Variants in GK observed in about 807,000 individuals in gnomAD.
The protein encoded by GK is ATP:glycerol 3-phosphotransferase.
In GK, 9 loss-of-function variants were observed where a neutral mutation model predicts 56.4. The ratio of observed to expected loss-of-function variants is 0.16; its 90% CI spans 0.10 to 0.28. GK has a LOEUF of 0.28. GK is among the 10% of genes least tolerant of loss of function. The pLI is 1.00. For synonymous variants in GK, 104 were observed against 144.1 expected (o/e 0.72, Z 1.99); for missense variants, 161 against 431.4 (o/e 0.37, Z 5.55).
chrX:30,676,051 G>A (rs746876992), intron 3 of GK, among the ~76,000 whole-genome samples: 1 of 111,788 alleles, frequency 8.9e-6, no homozygotes, highest in African/African-American at 3.2e-5. Context: ...TCGGCCTCCC[G>A]GAGTGCTGGG....
rs183619141 is a variant in GK at position 30,707,511 on chromosome X, C to T, written c.852-45C>T. On this transcript the variant is annotated intron_variant, in intron 11 of 20. Transcript: ENST00000427190. The stretch of plus-strand genomic sequence containing the variant: ...TGTGTTATTAATGTTTCATTATTTG[C>T]TTTCAATAAAATTGTCTTACTATTC... 4,479 of 764,450 alleles carry T rather than the reference C, an allele frequency of 5.9e-3. 14 individuals carry two copies. Among genetic ancestry groups the T allele is most frequent in the Non-Finnish European group, 7.4e-3 (3,686 of 495,821 alleles). The allele number at this position is 764,450 out of a possible 1,213,427, so 63.0% of individuals were successfully genotyped here. A position where few individuals can be genotyped will look rare whatever the true frequency, so the allele number is the denominator to read the frequency against.
At chrX:30,697,619 T>G in intron 8 of GK, 113 bp from the exon 9 acceptor site, 5 of 586,926 alleles carry the variant, frequency 8.5e-6, no homozygotes, top group Non-Finnish European at 1.2e-5. Flanking sequence ...AAACGATGCT[T>G]GAGAAATAGT....
rs760580011 is a variant in GK at position 30,693,207 on chromosome X, G to A, written c.415-1193G>A. 9.2e-5 allele frequency among the ~76,000 whole-genome samples: 10 copies of A among 108,194 alleles called. No homozygotes were observed. In the East Asian group the frequency reaches 2.9e-3, roughly 32 times the overall value. 94.0% of individuals were successfully genotyped at this position (108,194 alleles called of 115,157 possible). A position where few individuals can be genotyped will look rare whatever the true frequency, so the allele number is the denominator to read the frequency against. On this transcript the variant is annotated intron_variant, in intron 5 of 20. Transcript: ENST00000427190. ...AATTTTTTGTATTTTTAGTAGAGACGGGGTTTCACCATGTTAGCCAGGATG... is the reference window on the plus strand; with the variant it reads ...AATTTTTTGTATTTTTAGTAGAGACAGGGTTTCACCATGTTAGCCAGGATG...
At chrX:30,713,479 C>T (rs1050086003) in intron 13 of GK, among the ~76,000 whole-genome samples, 1 of 111,780 alleles carries the variant, frequency 8.9e-6, no homozygotes, top group Non-Finnish European at 1.9e-5. Context: ...GAAGTACAAA[C>T]TCATTATTTC....
At chrX:30,709,157 G>C (rs1936188062) in intron 13 of GK, among the ~76,000 whole-genome samples, 1 of 111,848 alleles carries the variant, frequency 8.9e-6, no homozygotes, top group Non-Finnish European at 1.9e-5. Context: ...CACAACACTA[G>C]GCACATAGAA....
intron 4 of GK, chrX:30,677,881 T>C: frequency 2.1e-6 from 1 of 484,009 alleles, no homozygotes; most frequent in Admixed American, 3.2e-5. Flanking sequence ...CCTATAATCT[T>C]GATGGGATGG....
At chrX:30,663,525 G>A (rs777689153) in intron 1 of GK, among the ~76,000 whole-genome samples, 2 of 111,186 alleles carry the variant, frequency 1.8e-5, no homozygotes, top group African/African-American at 3.3e-5. Context: ...ATGCTACCTT[G>A]TAAATCACAG....
rs57510512 is a variant in GK, at chrX:30,678,821, G to A, written c.337+1369G>A. 3.9e-3 allele frequency among the ~76,000 whole-genome samples: 412 copies of A among 104,316 alleles called. 1 individual carries two copies. The highest frequency in any genetic ancestry group is 0.013 in the African/African-American group (386 of 28,645). 90.6% of individuals were successfully genotyped at this position (104,316 alleles called of 115,157 possible). ...CCTGCCTCAGCCTCCCCAGTAGATGGGATCACAGGCGCCCACCACCATGCC... is the reference window on the plus strand; with the variant it reads ...CCTGCCTCAGCCTCCCCAGTAGATGAGATCACAGGCGCCCACCACCATGCC... On this transcript the variant is annotated intron_variant, in intron 4 of 20. Coordinates refer to ENST00000427190, the MANE Select transcript of GK (RefSeq NM_001205019.2).
intron 19 of GK, chrX:30,724,502 A>AT (rs1290719280): frequency 1.2e-5 from 3 of 249,222 alleles, no homozygotes; most frequent in Non-Finnish European, 2.2e-5. Flanking sequence ...TAGAGTCTTC[A>AT]TTTTTTTCCC....
In GK at chrX:30,696,654, C is replaced by T. The variant is rs767485383; in HGVS notation, c.700C>T (p.Arg234Trp). 1.8e-5 allele frequency: 22 copies of T among 1,196,987 alleles called. No homozygotes were observed. Among genetic ancestry groups the T allele is most frequent in the Admixed American group, 4.4e-5 (2 of 45,358 alleles). Reference protein sequence around the residue: ...GIPMEILPNVRSSSEIYGLMK... With the variant: ...GIPMEILPNVWSSSEIYGLMK... The stretch of plus-strand genomic sequence containing the variant: ...TCCAATGGAAATTCTTCCAAATGTC[C>T]GGAGTTCTTCTGAGATCTATGGCCT... Residue 234 changes from arginine (R) to tryptophan (W), a missense_variant, in exon 8 of 21, where the codon CGG (arginine) becomes TGG (tryptophan). Transcript: ENST00000427190.
intron 13 of GK, among the ~76,000 whole-genome samples, chrX:30,712,304 C>A (rs888040940): frequency 2.7e-5 from 3 of 111,803 alleles, no homozygotes; most frequent in African/African-American, 9.8e-5. Context: ...ATTCACCTTT[C>A]TGTAGGAGTA....
intron 8 of GK, 105 bp downstream of exon 8, chrX:30,696,788 C>A (rs775430706): frequency 1.6e-6 from 1 of 618,921 alleles, no homozygotes; most frequent in Non-Finnish European, 2.6e-6. Context: ...GTTTACTATT[C>A]ATAATTCAAA....
chrX:30,684,485 G>A (rs1934467940), intron 4 of GK, among the ~76,000 whole-genome samples: 1 of 111,163 alleles, frequency 9.0e-6, no homozygotes, highest in Non-Finnish European at 1.9e-5. Flanking sequence ...GACCAACATG[G>A]AGAAACCCCG....
chrX:30,697,701 T>C lies in GK; in HGVS notation c.730-31T>C, dbSNP rs1292588394. On this transcript the variant is annotated intron_variant, in intron 8 of 20. Transcript: ENST00000427190. ...TCTTGTATTTAAAATATTATGCTTC[T>C]ATCCTTCTCTCTCCCCCTTGCTGAC... The C allele has an allele frequency of 3.7e-6, 4 of 1,073,912 alleles. No homozygotes were observed. In the East Asian group the frequency reaches 1.2e-4, roughly 32 times the overall value. 88.5% of individuals were successfully genotyped at this position (1,073,912 alleles called of 1,213,427 possible).
intron 8 of GK, 68 bp from the exon 9 acceptor site, chrX:30,697,664 G>C: frequency 1.3e-6 from 1 of 765,938 alleles, no homozygotes; most frequent in Non-Finnish European, 2.0e-6. Context: ...ACGTGGAACT[G>C]GCCTAGTTTT....
Position 30,724,075 on chromosome X carries a change from G to A in GK, c.1502-26G>A, listed in dbSNP as rs747475678. 5 of 937,299 alleles carry A rather than the reference G, an allele frequency of 5.3e-6. No homozygotes were observed. In the South Asian group the frequency reaches 8.0e-5, roughly 15 times the overall value. 77.2% of individuals were successfully genotyped at this position (937,299 alleles called of 1,213,427 possible). ...ATCTCAGCAAACTACCTTTCGTTATGTGTTTTTTCTACCTTCTAATTCTAG... is the reference window on the plus strand; with the variant it reads ...ATCTCAGCAAACTACCTTTCGTTATATGTTTTTTCTACCTTCTAATTCTAG... On this transcript the variant is annotated intron_variant, in intron 18 of 20. Coordinates refer to ENST00000427190, the MANE Select transcript of GK (RefSeq NM_001205019.2).
At chrX:30,660,804 TC>T (rs1180084175) in intron 1 of GK, among the ~76,000 whole-genome samples, 13 of 101,611 alleles carry the variant, frequency 1.3e-4, no homozygotes, top group Non-Finnish European at 2.4e-4. Context: ...TTTTTTTTTT[TC>T]TTTCTTCTTT....
At position 30,653,435 on chromosome X, in the gene GK, C is replaced by G; in HGVS notation, c.-103C>G. 1 of 711,861 alleles carries G rather than the reference C, an allele frequency of 1.4e-6. No homozygotes were observed. The highest frequency in any genetic ancestry group is 2.3e-6 in the Non-Finnish European group (1 of 443,518). The allele number at this position is 711,861 out of a possible 1,213,427, so 58.7% of individuals were successfully genotyped here. Reference sequence around the variant, plus strand: ...GAGCGCGGTCCGAGCGTTCAGCGGACGCGCGCGGCCTCGATCTCTGGACTC... The same window carrying G: ...GAGCGCGGTCCGAGCGTTCAGCGGAGGCGCGCGGCCTCGATCTCTGGACTC... On this transcript the variant is annotated 5_prime_UTR_variant, in exon 1 of 21. Transcript: ENST00000427190.
intron 1 of GK, 106 bp downstream of exon 1, chrX:30,653,721 C>T: frequency 1.3e-6 from 1 of 777,040 alleles, no homozygotes; most frequent in Non-Finnish European, 2.0e-6. Context: ...GCCCGGTGCC[C>T]CGGCCGCTGG....
Sources: allele counts gnomAD v4.1 joint callset (sites outside exome capture counted in the v4.1 genomes callset), GRCh38; gene constraint gnomAD v4.1.1; transcripts MANE v1.5; gene names NCBI Gene and HGNC (gene_info 2026-07-23, HGNC 2026-07-21).